IGSF10: variants seen among roughly 807,000 people sequenced by gnomAD.
The protein encoded by IGSF10 is calvaria mechanical force protein 608.
Under a neutral mutation model 128.2 loss-of-function variants are expected in IGSF10, and 126 were observed. The ratio of observed to expected loss-of-function variants is 0.98; its 90% CI spans 0.85 to 1.14. IGSF10 has a LOEUF of 1.14. Among genes scored for constraint, IGSF10 ranks in the 50% most tolerant of loss-of-function variants. The probability of loss-of-function intolerance (pLI) is 0.00; values close to 1 mark genes in which losing one functional copy is unlikely to be tolerated. For missense variants in IGSF10, 3,295 were observed against 3,149.8 expected, an observed-to-expected ratio of 1.05 and a Z score of -1.10; for synonymous variants, 1,185 against 1,146.2, an observed-to-expected ratio of 1.03 and a Z score of -0.68.
chr3:151,578,394 G>A, the IGSF10 span, among the ~76,000 whole-genome samples: 3 of 152,208 alleles, frequency 2.0e-5, no homozygotes, highest in African/African-American at 7.2e-5. Context: ...ATAACTAGGT[G>A]TAGCTGTCAT....
the IGSF10 span, among the ~76,000 whole-genome samples, chr3:151,531,997 T>C: frequency 6.0e-4 from 91 of 151,854 alleles, no homozygotes; most frequent in Non-Finnish European, 9.4e-4. Flanking sequence ...AAAGGGGATA[T>C]CACCACTGAT....
the IGSF10 span, among the ~76,000 whole-genome samples, chr3:151,512,156 T>C: frequency 6.6e-6 from 1 of 152,176 alleles, no homozygotes; most frequent in Non-Finnish European, 1.5e-5. Context: ...ATCAACAGAA[T>C]ATACATTCTT....
chr3:151,448,762 C>T lies in IGSF10; in HGVS notation c.1219G>A (p.Val407Met), dbSNP rs1560178968. 2 of 1,613,640 alleles carry T rather than the reference C, an allele frequency of 1.2e-6. No homozygotes were observed. The highest frequency in any genetic ancestry group is 1.7e-6 in the Non-Finnish European group (2 of 1,179,580). ...AAAATGTCTTCAGGCTTAGGAGCCA[C>T]CTGTTTATATTTGTAATAGAGCTGC... ...TPQLYYKYKQ[V>M]APKPEDIFTN... The change falls in exon 6 of 8, where the codon GTG (valine) becomes ATG (methionine). Residue 407 changes from valine (V) to methionine (M), a missense_variant. Coordinates refer to ENST00000282466, the MANE Select transcript of IGSF10 (RefSeq NM_178822.5).
the IGSF10 span, among the ~76,000 whole-genome samples, chr3:151,609,234 G>C: frequency 6.6e-6 from 1 of 152,164 alleles, no homozygotes; most frequent in Non-Finnish European, 1.5e-5. Context: ...ATGAGGAACA[G>C]GAAGGAGGTC....
chr3:151,525,058 C>T, the IGSF10 span, among the ~76,000 whole-genome samples: 1 of 106,596 alleles, frequency 9.4e-6, no homozygotes, highest in African/African-American at 3.7e-5. Flanking sequence ...GAGAGCCTTG[C>T]TCTGTCACCC....
chr3:151,521,135 G>A, the IGSF10 span, among the ~76,000 whole-genome samples: 1 of 151,702 alleles, frequency 6.6e-6, no homozygotes, highest in Non-Finnish European at 1.5e-5. Context: ...GACAAAGAAG[G>A]GCATTACATA....
the IGSF10 span, among the ~76,000 whole-genome samples, chr3:151,543,238 A>G: frequency 6.6e-6 from 1 of 151,150 alleles, no homozygotes; most frequent in African/African-American, 2.4e-5. Flanking sequence ...GCTGCCGTCC[A>G]AGGGGAGGAG....
the IGSF10 span, among the ~76,000 whole-genome samples, chr3:151,618,058 T>G: frequency 1.6e-4 from 25 of 152,112 alleles, no homozygotes; most frequent in Non-Finnish European, 8.8e-5. Context: ...TAATCCCCAG[T>G]GTGATGAGGA....
the IGSF10 span, among the ~76,000 whole-genome samples, chr3:151,480,285 C>T: frequency 6.6e-6 from 1 of 152,126 alleles, no homozygotes; most frequent in South Asian, 2.1e-4. Flanking sequence ...GAAGGAAACA[C>T]CTTTCCCTCA....
chr3:151,453,903 A>G (rs567094201), intron 4 of IGSF10, 129 bp from the exon 5 acceptor site: 12 of 543,248 alleles, frequency 2.2e-5, no homozygotes, highest in African/African-American at 2.1e-4. Context: ...TAGGATCCCA[A>G]TTCAATCAAA....
In IGSF10 at chr3:151,437,412, T is replaced by G. The variant is rs548116940; in HGVS notation, c.7149A>C (p.Pro2383=). ...TTGCTATCAGATACTGATAACTTTG[T>G]GGTCCATTGGAAAATCGTGTGCCAT... ...LPNGTRFSNG[P]QSYQYLIASN... is the part of the protein sequence containing the mutation. Residue 2383 remains proline, a synonymous_variant, in exon 8 of 8, where the codon CCA becomes CCC. Coordinates refer to ENST00000282466, the MANE Select transcript of IGSF10 (RefSeq NM_178822.5). 1.2e-6 allele frequency: 2 copies of G among 1,614,222 alleles called. No homozygotes were observed. The highest frequency in any genetic ancestry group is 2.2e-5 in the East Asian group (1 of 44,884).
the IGSF10 span, among the ~76,000 whole-genome samples, chr3:151,588,469 G>T: frequency 6.6e-6 from 1 of 152,026 alleles, no homozygotes; most frequent in African/African-American, 2.4e-5. Flanking sequence ...CTTCTCTGGG[G>T]GTTTATGTGC....
At chr3:151,458,734 G>T in intron 2 of IGSF10, 24 bp from the exon 3 acceptor site, 8 of 1,592,544 alleles carry the variant, frequency 5.0e-6, no homozygotes, top group Non-Finnish European at 6.9e-6. Context: ...ATACCTCAGA[G>T]TTATAAAGAG....
chr3:151,494,887 G>A, the IGSF10 span, among the ~76,000 whole-genome samples: 1 of 151,906 alleles, frequency 6.6e-6, no homozygotes, highest in African/African-American at 2.4e-5. Flanking sequence ...ACACATTTTA[G>A]GAAAAAATAT....
chr3:151,435,291 A>C (rs191339396), downstream of IGSF10: 10 of 151,546 alleles, frequency 6.6e-5, no homozygotes, highest in Middle Eastern at 3.4e-3. Context: ...AAGCCCATAG[A>C]CTCTCTTGTT....
At chr3:151,454,368 A>T (rs1341612703) in intron 4 of IGSF10, among the ~76,000 whole-genome samples, 2 of 152,200 alleles carry the variant, frequency 1.3e-5, no homozygotes, top group Non-Finnish European at 2.9e-5. Flanking sequence ...TGGTTATTTT[A>T]AAAAGATTTC....
chr3:151,558,291 T>C, the IGSF10 span, among the ~76,000 whole-genome samples: 2 of 151,374 alleles, frequency 1.3e-5, no homozygotes, highest in Non-Finnish European at 2.9e-5. Context: ...GTCAGGTAGA[T>C]TTAGAAGATG....
At chr3:151,441,577 ATGTG>A (rs1577664494) in intron 7 of IGSF10, among the ~76,000 whole-genome samples, 2 of 152,202 alleles carry the variant, frequency 1.3e-5, no homozygotes, top group East Asian at 3.8e-4. Flanking sequence ...CACATTTACT[ATGTG>A]TAATTTTTTT....
the IGSF10 span, among the ~76,000 whole-genome samples, chr3:151,613,271 GC>G: frequency 6.6e-6 from 1 of 151,732 alleles, no homozygotes; most frequent in Non-Finnish European, 1.5e-5. Flanking sequence ...TAGATTCAAT[GC>G]CATCCCCATC....
Sources: gnomAD v4.1 joint callset for allele counts (sites outside exome capture counted in the v4.1 genomes callset) on GRCh38, gnomAD v4.1.1 for gene constraint, MANE v1.5 for transcripts, NCBI Gene and HGNC (gene_info 2026-07-23, HGNC 2026-07-21) for gene names.